Variants in AMPD2 observed in about 807,000 individuals in gnomAD.
AMPD2 encodes the protein AMP deaminase 2.
In AMPD2, 52 loss-of-function variants were observed where a neutral mutation model predicts 91.3. The ratio of observed to expected loss-of-function variants is 0.57; its 90% CI spans 0.46 to 0.72. The LOEUF is 0.72. AMPD2 is among the 30% of genes least tolerant of loss of function. The pLI is 0.00. For synonymous variants in AMPD2, 455 were observed against 456.4 expected, an observed-to-expected ratio of 1.00 and a Z score of 0.04; for missense variants, 822 against 1,122.3, an observed-to-expected ratio of 0.73 and a Z score of 3.82.
At chr1:109,630,855 G>C in intron 18 of AMPD2, 62 bp downstream of exon 18, 1 of 1,594,692 alleles carries the variant, frequency 6.3e-7, no homozygotes, top group Non-Finnish European at 8.6e-7. Flanking sequence ...TGCATTTGGG[G>C]TCCTGACCTG....
intron 2 of AMPD2, among the ~76,000 whole-genome samples, chr1:109,621,655 C>T (rs931110988): frequency 6.6e-5 from 10 of 152,312 alleles, no homozygotes; most frequent in African/African-American, 2.4e-4. Flanking sequence ...TGTGCCTTTA[C>T]CAGGCAGGCT....
Position 109,620,934 on chromosome 1 carries a change from G to C in AMPD2, c.-242G>C. 1 of 1,497,918 alleles carries C rather than the reference G, an allele frequency of 6.7e-7. No individual in the cohort carries two copies. The highest frequency in any genetic ancestry group is 8.9e-7 in the Non-Finnish European group (1 of 1,123,768). The allele number at this position is 1,497,918 out of a possible 1,614,324, so 92.8% of individuals were successfully genotyped here. ...GCCAGGCCCAGCCACCATCAGTCAC[G>C]TCACTCCTGGGACTGAGGAGGCAGG... On this transcript the variant is annotated 5_prime_UTR_variant, in exon 2 of 19. Coordinates refer to ENST00000528667, the MANE Select transcript of AMPD2 (RefSeq NM_001368809.2).
In AMPD2 at chr1:109,630,073, G is replaced by A. The variant is rs549731970; in HGVS notation, c.1983+157G>A. Reference sequence around the variant, plus strand: ...TTCCCCACCCCAGCCTTCAGCCTGGGGCCCCAACTTGGATTTTGACTAATT... The same window carrying A: ...TTCCCCACCCCAGCCTTCAGCCTGGAGCCCCAACTTGGATTTTGACTAATT... On this transcript the variant is annotated intron_variant, in intron 16 of 18. Transcript: ENST00000528667. 2.6e-5 allele frequency among the ~76,000 whole-genome samples: 4 copies of A among 152,232 alleles called. No individual in the cohort carries two copies. In the South Asian group the frequency reaches 8.3e-4, roughly 32 times the overall value.
chr1:109,625,941 G>A lies in AMPD2; in HGVS notation c.353+149G>A. ...CTTTGGAGTCGGGCTGCTGGGTTCT[G>A]TTCTGTCTTCTAGCCGCCGGTGTGG... On this transcript the variant is annotated intron_variant, in intron 4 of 18. Transcript: ENST00000528667. The surrounding 1 kb of genome is among the most constrained non-coding windows in gnomAD (Gnocchi z 4.0). 7.5e-7 allele frequency: 1 copy of A among 1,340,754 alleles called. No individual in the cohort carries two copies. Among genetic ancestry groups the A allele is most frequent in the Non-Finnish European group, 1.0e-6 (1 of 981,086 alleles). The allele number at this position is 1,340,754 out of a possible 1,614,324, so 83.1% of individuals were successfully genotyped here.
Position 109,627,274 on chromosome 1 carries a change from G to T in AMPD2, c.818G>T (p.Arg273Leu). The change falls in exon 8 of 19, where the codon CGG (arginine) becomes CTG (leucine). Residue 273 changes from arginine (R) to leucine (L), a missense_variant. Physicochemically the swap from Arg to Leu is moderately radical, Grantham distance 102 (BLOSUM62 -2). Coordinates refer to ENST00000528667, the MANE Select transcript of AMPD2 (RefSeq NM_001368809.2). ...GDLGLGLRMV[R>L]GVVHVYTRRE... ...CTGGGCTTGGGTCTGCGCATGGTGC[G>T]GGGTGTGGTGCACGTCTACACCCGC... 1 of 1,608,234 alleles carries T rather than the reference G, an allele frequency of 6.2e-7. No individual in the cohort carries two copies. The highest frequency in any genetic ancestry group is 2.2e-5 in the East Asian group (1 of 44,804).
rs977332227 is a variant in AMPD2, at chr1:109,627,983, C to A, written c.1080+80C>A. ...CCTCCCCTTCAAGGGCCAGGCCCCCCACACAGCATCCAGTACAGAGGGTCC... is the reference window on the plus strand; with the variant it reads ...CCTCCCCTTCAAGGGCCAGGCCCCCAACACAGCATCCAGTACAGAGGGTCC... On this transcript the variant is annotated intron_variant, in intron 10 of 18. Transcript: ENST00000528667. 5 of 1,604,734 alleles carry A rather than the reference C, an allele frequency of 3.1e-6. No individual in the cohort carries two copies. The East Asian group carries it at 6.7e-5, about 21-fold the overall frequency.
At chr1:109,629,725 G>GC (rs1440667541) in intron 15 of AMPD2, 71 bp from the exon 16 acceptor site, 1 of 1,390,906 alleles carries the variant, frequency 7.2e-7, no homozygotes, top group Non-Finnish European at 9.3e-7. Flanking sequence ...CGTGCTGGGT[G>GC]GGGGTCAGGG....
rs1361021186 is a variant in AMPD2 at position 109,620,988 on chromosome 1, C to G, written c.-188C>G. The G allele has an allele frequency of 6.4e-7, 1 of 1,554,522 alleles. No individual in the cohort carries two copies. The highest frequency in any genetic ancestry group is 8.7e-7 in the Non-Finnish European group (1 of 1,149,136). On this transcript the variant is annotated 5_prime_UTR_variant, in exon 2 of 19. Coordinates refer to ENST00000528667, the MANE Select transcript of AMPD2 (RefSeq NM_001368809.2). ...GGGATAAGGGGCAGAGATGGAGGCCCCACTCCCCGAGGTTGCCTAGACAAC... is the reference window on the plus strand; with the variant it reads ...GGGATAAGGGGCAGAGATGGAGGCCGCACTCCCCGAGGTTGCCTAGACAAC...
chr1:109,628,055 G>A lies in AMPD2; in HGVS notation c.1081-28G>A. On this transcript the variant is annotated intron_variant, in intron 10 of 18. Transcript: ENST00000528667. The surrounding 1 kb of genome is among the most constrained non-coding windows in gnomAD (Gnocchi z 7.1). ...GCCCCAGACCTTCCTGGCCTCTGGT[G>A]GATCAGCAGTGCCCTGTTCCATTCC... 6.2e-7 allele frequency: 1 copy of A among 1,606,438 alleles called. No homozygotes were observed. The highest frequency in any genetic ancestry group is 1.3e-5 in the African/African-American group (1 of 74,946).
In AMPD2 at chr1:109,627,906, G is replaced by T. The variant is rs540253647; in HGVS notation, c.1080+3G>T. On this transcript the variant is annotated splice_donor_region_variant and intron_variant, in intron 10 of 18. Coordinates refer to ENST00000528667, the MANE Select transcript of AMPD2 (RefSeq NM_001368809.2). ...GAGATTTCTACAACATCCGCAAGGT[G>T]GGCCCTCACCCCGTGGCCGTCTCCA... 1 of 1,613,896 alleles carries T rather than the reference G, an allele frequency of 6.2e-7. No homozygotes were observed. The highest frequency in any genetic ancestry group is 8.5e-7 in the Non-Finnish European group (1 of 1,179,960).
rs1457055997 is a variant in AMPD2, at chr1:109,620,221, T to A, written c.-320T>A. The A allele has an allele frequency of 1.2e-6, 2 of 1,614,006 alleles. No individual in the cohort carries two copies. The highest frequency in any genetic ancestry group is 8.5e-7 in the Non-Finnish European group (1 of 1,179,890). On this transcript the variant is annotated 5_prime_UTR_variant, in exon 1 of 19. Coordinates refer to ENST00000528667, the MANE Select transcript of AMPD2 (RefSeq NM_001368809.2). ...GCCGTCCCTCAGGACCCGGGCTTTC[T>A]GCTGTACAGACTTCTCGTGGGCAGC...
In AMPD2 at chr1:109,624,829, G is replaced by C. The variant is rs559770631; in HGVS notation, c.92-474G>C. Among the ~76,000 whole-genome samples, 2 of 152,254 alleles carry C rather than the reference G, an allele frequency of 1.3e-5. No homozygotes were observed. The highest frequency in any genetic ancestry group is 4.1e-4 in the South Asian group (2 of 4,828). ...GTGGAGAATCTGCTAGTCCAGGGGC[G>C]GGTCTGATCCTGGGTTGCCTGCCCT... On this transcript the variant is annotated intron_variant, in intron 2 of 18. Coordinates refer to ENST00000528667, the MANE Select transcript of AMPD2 (RefSeq NM_001368809.2). This position sits in a 1 kb window ranked among gnomAD's most constrained non-coding sequence, Gnocchi z 5.2.
intron 1 of AMPD2, 53 bp from the exon 2 acceptor site, chr1:109,620,856 TGGGGG>T: frequency 7.0e-7 from 1 of 1,434,190 alleles, no homozygotes; most frequent in South Asian, 1.6e-5. Context: ...AGTGGAGAGC[TGGGGG>T]CTGGCCCTTC....
chr1:109,627,991 A>G, intron 10 of AMPD2, 88 bp downstream of exon 10: 1 of 1,602,394 alleles, frequency 6.2e-7, no homozygotes, highest in Admixed American at 1.7e-5. Flanking sequence ...CCCACACAGC[A>G]TCCAGTACAG....
intron 4 of AMPD2, 79 bp from the exon 5 acceptor site, chr1:109,626,081 C>A: frequency 6.8e-7 from 1 of 1,479,814 alleles, no homozygotes; most frequent in Non-Finnish European, 9.4e-7. Flanking sequence ...ATGTGCACAG[C>A]ACCTAGTGCG....
Position 109,627,530 on chromosome 1 carries a change from G to C in AMPD2, c.950+12G>C. On this transcript the variant is annotated intron_variant, in intron 9 of 18. Coordinates refer to ENST00000528667, the MANE Select transcript of AMPD2 (RefSeq NM_001368809.2). Reference sequence around the variant, plus strand: ...ATCAATGGCCCCATGTGAGTCCCCTGCCATCCCAGACACTTAGCTCCCCTC... The same window carrying C: ...ATCAATGGCCCCATGTGAGTCCCCTCCCATCCCAGACACTTAGCTCCCCTC... 1 of 1,613,790 alleles carries C rather than the reference G, an allele frequency of 6.2e-7. No homozygotes were observed. The highest frequency in any genetic ancestry group is 8.5e-7 in the Non-Finnish European group (1 of 1,179,830).
At chr1:109,621,436 T>C in intron 2 of AMPD2, 170 bp downstream of exon 2, 2 of 122,442 alleles carry the variant, frequency 1.6e-5, no homozygotes, top group South Asian at 4.1e-5. Context: ...GGGTGAGGGG[T>C]GGTGGGGGGC....
chr1:109,626,087 G>C (rs1172497550), intron 4 of AMPD2, 73 bp from the exon 5 acceptor site: 2 of 1,474,572 alleles, frequency 1.4e-6, no homozygotes, highest in Admixed American at 1.7e-5. Context: ...ACAGCACCTA[G>C]TGCGGTGCTG....
chr1:109,631,560 GTAGCCGAGGGGC>G lies in AMPD2; in HGVS notation c.*409_*420del. The G allele has an allele frequency of 3.6e-6, 1 of 276,486 alleles. No individual in the cohort carries two copies. Among genetic ancestry groups the G allele is most frequent in the Non-Finnish European group, 7.1e-6 (1 of 141,556 alleles). The allele number at this position is 276,486 out of a possible 1,614,324, so 17.1% of individuals were successfully genotyped here. ...AAGTTTAGGCCCCTGTCTTGTTCAT[GTAGCCGAGGGGC>G]AGGCGGGGGACCTCTACACCTCTGC... On this transcript the variant is annotated 3_prime_UTR_variant, in exon 19 of 19. Transcript: ENST00000528667.
Sources: allele counts gnomAD v4.1 joint callset (sites outside exome capture counted in the v4.1 genomes callset), GRCh38; gene constraint gnomAD v4.1.1; non-coding constraint Gnocchi (gnomAD v3.1); transcripts MANE v1.5; gene names NCBI Gene and HGNC (gene_info 2026-07-23, HGNC 2026-07-21).